The following G3BP1 variants were observed in gnomAD, a reference collection of about 807,000 sequenced individuals.
G3BP1 encodes G3BP stress granule assembly factor 1, also known as ras GTPase-activating protein-binding protein 1.
G3BP1 carries 35 observed loss-of-function variants against 58.6 expected under a neutral mutation model. That is an observed-to-expected ratio of 0.60 (90% CI 0.46 to 0.79). G3BP1 has a LOEUF of 0.79. Ranked by LOEUF, G3BP1 falls within the 30% of genes least tolerant of loss-of-function variation. The probability of loss-of-function intolerance (pLI) is 0.00; values close to 1 mark genes in which losing one functional copy is unlikely to be tolerated. For synonymous variants in G3BP1, 191 were observed against 195.4 expected (o/e 0.98, Z 0.19); for missense variants, 523 against 580.8 (o/e 0.90, Z 1.02).
intron 11 of G3BP1, among the ~76,000 whole-genome samples, chr5:151,802,736 AT>A (rs1561538192): frequency 6.6e-6 from 1 of 151,680 alleles, no homozygotes; most frequent in African/African-American, 2.4e-5. Flanking sequence ...GATTGAGACC[AT>A]CCTGGCTAAC....
At chr5:151,794,970 A>G (rs1281328606) in intron 5 of G3BP1, among the ~76,000 whole-genome samples, 1 of 152,184 alleles carries the variant, frequency 6.6e-6, no homozygotes, top group Non-Finnish European at 1.5e-5. Flanking sequence ...CCAAGACACT[A>G]CAGTAGCCTT....
In G3BP1 at chr5:151,786,570, A is replaced by AG. The variant is rs1762557911; in HGVS notation, c.-49dup. ...TCTTTTCCCCTGTGTTTGATCCTTCAGGTTTGGACATATTTGACTCTTTTC... is the reference window on the plus strand; with the variant it reads ...TCTTTTCCCCTGTGTTTGATCCTTCAGGGTTTGGACATATTTGACTCTTTTC... On this transcript the variant is annotated splice_acceptor_variant, in intron 1 of 11. Transcript: ENST00000356245. LOFTEE classifies it low-confidence loss of function (5UTR_SPLICE). The AG allele has an allele frequency of 9.0e-7, 1 of 1,113,120 alleles. No homozygotes were observed. Among genetic ancestry groups the AG allele is most frequent in the Non-Finnish European group, 1.4e-6 (1 of 723,744 alleles). The allele number at this position is 1,113,120 out of a possible 1,614,324, so 69.0% of individuals were successfully genotyped here. A position where few individuals can be genotyped will look rare whatever the true frequency, so the allele number is the denominator to read the frequency against.
At chr5:151,786,146 G>A (rs1762552074) in intron 1 of G3BP1, among the ~76,000 whole-genome samples, 1 of 152,132 alleles carries the variant, frequency 6.6e-6, no homozygotes, top group African/African-American at 2.4e-5. Flanking sequence ...AAAATTAGCC[G>A]GGCATGATGG....
intron 8 of G3BP1, among the ~76,000 whole-genome samples, 154 bp downstream of exon 8, chr5:151,799,467 C>G (rs940202216): frequency 3.4e-4 from 51 of 152,170 alleles, no homozygotes; most frequent in African/African-American, 1.2e-3. Context: ...CAGCTGATCA[C>G]TGGAGCCTAG....
chr5:151,795,241 ACT>A (rs1239807314), intron 5 of G3BP1, among the ~76,000 whole-genome samples: 3 of 152,110 alleles, frequency 2.0e-5, no homozygotes, highest in African/African-American at 7.2e-5. Context: ...GCGCCACTGC[ACT>A]CTCTAGCCTG....
At chr5:151,773,038 G>A (rs1417164881) in intron 1 of G3BP1, among the ~76,000 whole-genome samples, 1 of 152,236 alleles carries the variant, frequency 6.6e-6, no homozygotes, top group Non-Finnish European at 1.5e-5. Context: ...AAAAAGTAGG[G>A]AAAACGATGA....
chr5:151,809,689 A>C lies in G3BP1; in HGVS notation c.*5598A>C, dbSNP rs1292588753. 2 of 152,188 alleles carry C rather than the reference A, an allele frequency of 1.3e-5. No individual in the cohort carries two copies. Among genetic ancestry groups the C allele is most frequent in the African/African-American group, 4.8e-5 (2 of 41,452 alleles). The allele number at this position is 152,188 out of a possible 1,614,324, so 9.4% of individuals were successfully genotyped here. On this transcript the variant is annotated 3_prime_UTR_variant, in exon 12 of 12. Coordinates refer to ENST00000356245, the MANE Select transcript of G3BP1 (RefSeq NM_005754.3). ...GAGAGAATTGGTTAGTAGAGTCCCAAATCTGCTTTTAGAAGTAATATGGTG... is the reference window on the plus strand; with the variant it reads ...GAGAGAATTGGTTAGTAGAGTCCCACATCTGCTTTTAGAAGTAATATGGTG...
At chr5:151,801,819 A>AT (rs570635661) in intron 11 of G3BP1, among the ~76,000 whole-genome samples, 1,595 of 145,764 alleles carry the variant, frequency 0.011, 21 homozygotes, top group African/African-American at 0.03. Flanking sequence ...TTATTTTTTT[A>AT]TTTTTTTTTT....
intron 6 of G3BP1, among the ~76,000 whole-genome samples, 182 bp from the exon 7 acceptor site, chr5:151,797,045 G>T (rs1762764424): frequency 6.6e-6 from 1 of 152,072 alleles, no homozygotes; most frequent in South Asian, 2.1e-4. Context: ...TTCCAGTTAA[G>T]TTATTGAGTG....
intron 5 of G3BP1, 76 bp from the exon 6 acceptor site, chr5:151,795,403 T>C (rs911093535): frequency 4.2e-5 from 32 of 758,590 alleles, no homozygotes; most frequent in Admixed American, 9.6e-5. Context: ...ACTGTTGTTT[T>C]GTGAACATTG....
At chr5:151,777,847 C>T (rs907963500) in intron 1 of G3BP1, among the ~76,000 whole-genome samples, 1 of 152,206 alleles carries the variant, frequency 6.6e-6, no homozygotes, top group African/African-American at 2.4e-5. Context: ...ACCCTTCTCC[C>T]TGCAGGAAAT....
At chr5:151,776,951 G>A (rs987290819) in intron 1 of G3BP1, among the ~76,000 whole-genome samples, 3 of 132,018 alleles carry the variant, frequency 2.3e-5, no homozygotes, top group Admixed American at 7.7e-5. Flanking sequence ...TATCTTATCT[G>A]TTTTTTAAAA....
Position 151,812,755 on chromosome 5 carries a change from T to C in G3BP1, c.*8664T>C, listed in dbSNP as rs1430654248. ...CAGTGACTGTGCATTTATTTTGTAA[T>C]AAACTCATTTTGGAATGTTTTAGCA... On this transcript the variant is annotated 3_prime_UTR_variant, in exon 12 of 12. Transcript: ENST00000356245. 2 of 152,214 alleles carry C rather than the reference T, an allele frequency of 1.3e-5. No homozygotes were observed. Among genetic ancestry groups the C allele is most frequent in the South Asian group, 2.1e-4 (1 of 4,818 alleles). 9.4% of individuals were successfully genotyped at this position (152,214 alleles called of 1,614,324 possible).
chr5:151,785,173 C>G (rs984793344), intron 1 of G3BP1, among the ~76,000 whole-genome samples: 1 of 152,282 alleles, frequency 6.6e-6, no homozygotes, highest in Admixed American at 6.5e-5. Context: ...GTACATTAGT[C>G]TAAGACTTAG....
intron 1 of G3BP1, among the ~76,000 whole-genome samples, 152 bp from the exon 2 acceptor site, chr5:151,786,420 A>G (rs1444048571): frequency 3.9e-5 from 6 of 152,334 alleles, no homozygotes; most frequent in Middle Eastern, 3.4e-3. Flanking sequence ...TATGATTGCA[A>G]TACATTTGTA....
Position 151,782,849 on chromosome 5 carries a change from C to CTTT in G3BP1, c.-49-3699_-49-3697dup, listed in dbSNP as rs796501774. ...AAACACTGTCTTTTCTGTGACTCAT[C>CTTT]TTTTTTTTTTTTTTTTTTTTTTTTT... On this transcript the variant is annotated intron_variant, in intron 1 of 11. Transcript: ENST00000356245. 8.4e-4 allele frequency among the ~76,000 whole-genome samples: 62 copies of CTTT among 73,922 alleles called. 8 individuals are homozygous for CTTT. Among genetic ancestry groups the CTTT allele is most frequent in the African/African-American group, 2.8e-3 (51 of 18,262 alleles). The allele number at this position is 73,922 out of a possible 152,430, so 48.5% of individuals were successfully genotyped here.
At chr5:151,795,433 G>T in intron 5 of G3BP1, 46 bp from the exon 6 acceptor site, 1 of 962,504 alleles carries the variant, frequency 1.0e-6, no homozygotes, top group Non-Finnish European at 1.6e-6. Context: ...ATGTATATGT[G>T]AATTCAGTAA....
At chr5:151,789,990 A>G (rs913881986) in intron 2 of G3BP1, among the ~76,000 whole-genome samples, 1 of 151,994 alleles carries the variant, frequency 6.6e-6, no homozygotes, top group South Asian at 2.1e-4. Flanking sequence ...CCTGGGCAAC[A>G]TAGTTGACCT....
intron 1 of G3BP1, among the ~76,000 whole-genome samples, chr5:151,773,372 A>G (rs543847731): frequency 6.6e-6 from 1 of 152,150 alleles, no homozygotes; most frequent in Non-Finnish European, 1.5e-5. Context: ...TGGATGAATT[A>G]CTGGTGTTGG....
Sources: gnomAD v4.1 joint callset for allele counts (sites outside exome capture counted in the v4.1 genomes callset) on GRCh38, gnomAD v4.1.1 for gene constraint, MANE v1.5 for transcripts, NCBI Gene and HGNC (gene_info 2026-07-23, HGNC 2026-07-21) for gene names.